The following TRPM3 variants were observed in gnomAD, a reference collection of about 807,000 sequenced individuals.
The protein encoded by TRPM3 is transient receptor potential cation channel subfamily M member 3, also known as long transient receptor potential channel 3.
In TRPM3, 77 loss-of-function variants were observed where a neutral mutation model predicts 181.2. The ratio of observed to expected loss-of-function variants is 0.42; its 90% CI spans 0.35 to 0.51. The LOEUF is 0.51. Among genes scored for constraint, TRPM3 ranks in the 20% least tolerant of loss-of-function variants. The probability of loss-of-function intolerance (pLI) is 0.01; values close to 1 mark genes in which losing one functional copy is unlikely to be tolerated. For missense variants in TRPM3, 1,759 were observed against 2,196.7 expected, an observed-to-expected ratio of 0.80 and a Z score of 3.98; for synonymous variants, 745 against 796.4, an observed-to-expected ratio of 0.94 and a Z score of 1.09.
chr9:71,096,923 C>G (rs1465607258), intron 1 of TRPM3, among the ~76,000 whole-genome samples: 4 of 152,098 alleles, frequency 2.6e-5, no homozygotes, highest in Non-Finnish European at 4.4e-5. Context: ...TCTATCTGAT[C>G]ATCCCATGGC....
At chr9:70,839,169 C>G (rs2094495700) in intron 5 of TRPM3, among the ~76,000 whole-genome samples, 1 of 152,198 alleles carries the variant, frequency 6.6e-6, no homozygotes, top group African/African-American at 2.4e-5. Context: ...TTATCATTAT[C>G]TGTTCCATAA....
chr9:71,238,059 C>T (rs990338128), intron 1 of TRPM3, among the ~76,000 whole-genome samples: 1 of 152,118 alleles, frequency 6.6e-6, no homozygotes, highest in African/African-American at 2.4e-5. Context: ...TCTGATTGTT[C>T]ACTACAATGA....
At chr9:71,405,273 A>G (rs2093415896) in intron 1 of TRPM3, among the ~76,000 whole-genome samples, 1 of 152,226 alleles carries the variant, frequency 6.6e-6, no homozygotes, top group Admixed American at 6.5e-5. Flanking sequence ...GCCTTATCCT[A>G]TACATACAGC....
intron 1 of TRPM3, among the ~76,000 whole-genome samples, chr9:71,171,812 G>A (rs766927877): frequency 9.2e-5 from 14 of 152,070 alleles, no homozygotes; most frequent in Non-Finnish European, 1.6e-4. Flanking sequence ...TCTGTGTTAC[G>A]CGGCAGCTTC....
chr9:71,429,084 C>G (rs1225387978), intron 1 of TRPM3, among the ~76,000 whole-genome samples: 2 of 152,004 alleles, frequency 1.3e-5, no homozygotes, highest in Non-Finnish European at 2.9e-5. Context: ...CAGAGGGAAA[C>G]TGGAATGAGA....
At chr9:71,055,802 G>C (rs1263569410) in intron 1 of TRPM3, among the ~76,000 whole-genome samples, 1 of 151,906 alleles carries the variant, frequency 6.6e-6, no homozygotes, top group African/African-American at 2.4e-5. Flanking sequence ...GAATGATTTG[G>C]GAGTAAACCA....
intron 1 of TRPM3, among the ~76,000 whole-genome samples, chr9:71,309,883 G>A (rs2132390873): frequency 6.6e-6 from 1 of 152,052 alleles, no homozygotes; most frequent in East Asian, 1.9e-4. Context: ...AGTGATTTGT[G>A]GGATAAAACA....
chr9:71,366,179 T>C (rs924825252), intron 1 of TRPM3, among the ~76,000 whole-genome samples: 1 of 152,216 alleles, frequency 6.6e-6, no homozygotes, highest in Non-Finnish European at 1.5e-5. Context: ...TTTGAGTTCA[T>C]TTCTTTTCTA....
intron 1 of TRPM3, among the ~76,000 whole-genome samples, chr9:71,177,932 CAAAA>C (rs10717759): frequency 2.4e-5 from 3 of 123,586 alleles, no homozygotes; most frequent in Non-Finnish European, 3.4e-5. Flanking sequence ...TGCTCAAAGC[CAAAA>C]AAAAAAAAAA....
chr9:70,942,077 A>T (rs2096891115), intron 1 of TRPM3, among the ~76,000 whole-genome samples: 1 of 152,180 alleles, frequency 6.6e-6, no homozygotes, highest in South Asian at 2.1e-4. Context: ...TGTATGAGAC[A>T]AATGTATCAT....
chr9:70,681,026 A>G (rs759697719), intron 9 of TRPM3, among the ~76,000 whole-genome samples: 7 of 152,008 alleles, frequency 4.6e-5, no homozygotes, highest in Non-Finnish European at 1.0e-4. Flanking sequence ...TAACAAGTAC[A>G]GTACCATAAT....
intron 1 of TRPM3, among the ~76,000 whole-genome samples, chr9:71,220,795 T>A (rs987462114): frequency 1.3e-5 from 2 of 151,996 alleles, no homozygotes; most frequent in African/African-American, 4.8e-5. Context: ...CTGACCACCC[T>A]CCAAAGAGCG....
At chr9:71,152,492 T>C (rs575407060) in intron 1 of TRPM3, among the ~76,000 whole-genome samples, 20 of 152,286 alleles carry the variant, frequency 1.3e-4, no homozygotes, top group Admixed American at 1.0e-3. Context: ...CTATTTTCCA[T>C]TTAACTAGAT....
chr9:71,113,115 C>T (rs1429653433), intron 1 of TRPM3, among the ~76,000 whole-genome samples: 2 of 152,152 alleles, frequency 1.3e-5, no homozygotes, highest in Non-Finnish European at 2.9e-5. Flanking sequence ...ACAGCAGCCT[C>T]TTGGTCTTAC....
intron 1 of TRPM3, among the ~76,000 whole-genome samples, chr9:70,904,680 T>C (rs2096436826): frequency 6.6e-6 from 1 of 152,228 alleles, no homozygotes; most frequent in Admixed American, 6.5e-5. Flanking sequence ...GGGTTTGTTA[T>C]ACTTAGTTTA....
rs924929445 is a variant in TRPM3, at chr9:70,531,631, A to G, written c.*4322T>C. 6.6e-6 allele frequency: 1 copy of G among 152,254 alleles called. No homozygotes were observed. Among genetic ancestry groups the G allele is most frequent in the Non-Finnish European group, 1.5e-5 (1 of 68,050 alleles). 9.4% of individuals were successfully genotyped at this position (152,254 alleles called of 1,614,324 possible). On this transcript the variant is annotated 3_prime_UTR_variant, in exon 26 of 26. Transcript: ENST00000677713. ...TAGTATCACTTTATCTAGAAACAACATAGTGTTACTAAATGAACATATTTA... is the reference window on the plus strand; with the variant it reads ...TAGTATCACTTTATCTAGAAACAACGTAGTGTTACTAAATGAACATATTTA...
chr9:70,779,137 C>A (rs1328145), intron 7 of TRPM3, among the ~76,000 whole-genome samples: 1 of 152,006 alleles, frequency 6.6e-6, no homozygotes, highest in Non-Finnish European at 1.5e-5. Context: ...TATTAGAAAT[C>A]TATTATCTAT....
At chr9:70,662,543 AG>A (rs555972637) in intron 9 of TRPM3, among the ~76,000 whole-genome samples, 4 of 152,292 alleles carry the variant, frequency 2.6e-5, no homozygotes, top group Non-Finnish European at 5.9e-5. Flanking sequence ...CAAATCAGCA[AG>A]AAAAAAACAA....
chr9:70,607,615 C>G (rs2061383363), intron 19 of TRPM3, among the ~76,000 whole-genome samples: 1 of 152,164 alleles, frequency 6.6e-6, no homozygotes. Context: ...TGTCTCCAAT[C>G]ATAAGATTCG....
Sources: gnomAD v4.1 joint callset for allele counts (sites outside exome capture counted in the v4.1 genomes callset) on GRCh38, gnomAD v4.1.1 for gene constraint, MANE v1.5 for transcripts, NCBI Gene and HGNC (gene_info 2026-07-23, HGNC 2026-07-21) for gene names.